RASGRP3: variants seen among roughly 807,000 people sequenced by gnomAD.
The protein encoded by RASGRP3 is RAS guanyl releasing protein 3.
Under a neutral mutation model 82.7 loss-of-function variants are expected in RASGRP3, and 54 were observed. The ratio of observed to expected loss-of-function variants is 0.65; its 90% CI spans 0.52 to 0.82. The LOEUF (loss-of-function observed/expected upper bound fraction) is 0.82. RASGRP3 is among the 40% of genes least tolerant of loss of function. The pLI, the probability that RASGRP3 is intolerant of heterozygous loss-of-function variation, is 0.00. For missense variants in RASGRP3, 861 were observed against 828.9 expected (o/e 1.04, Z -0.48); for synonymous variants, 309 against 300.5 (o/e 1.03, Z -0.29).
At chr2:33,490,012 A>G (rs1458748049) in intron 1 of RASGRP3, among the ~76,000 whole-genome samples, 1 of 151,830 alleles carries the variant, frequency 6.6e-6, no homozygotes, top group African/African-American at 2.4e-5. Flanking sequence ...CTTGCTGCCA[A>G]CCTGATGACT....
intron 13 of RASGRP3, among the ~76,000 whole-genome samples, chr2:33,544,737 G>A (rs1674578572): frequency 6.6e-6 from 1 of 152,142 alleles, no homozygotes; most frequent in Non-Finnish European, 1.5e-5. Flanking sequence ...CCTCACACCT[G>A]TAATGCCAGC....
chr2:33,490,127 C>G (rs1468454884), intron 1 of RASGRP3, among the ~76,000 whole-genome samples: 1 of 152,184 alleles, frequency 6.6e-6, no homozygotes, highest in Non-Finnish European at 1.5e-5. Context: ...CATATTATAA[C>G]TGGAACCCAT....
Position 33,536,561 on chromosome 2 carries a change from C to CT in RASGRP3, c.1161+2171dup, listed in dbSNP as rs1010850178. ...TTTTACTTTAGTTTATTTTCAGGAT[C>CT]TTTTTTTTTTCCAATTTTAGGAGAT... On this transcript the variant is annotated intron_variant, in intron 11 of 17. Coordinates refer to ENST00000403687, the MANE Select transcript of RASGRP3 (RefSeq NM_001139488.2). Among the ~76,000 whole-genome samples the CT allele has an allele frequency of 1.1e-3, 160 of 149,590 alleles. 1 individual carries two copies. Among genetic ancestry groups the CT allele is most frequent in the African/African-American group, 2.7e-3 (112 of 40,912 alleles).
intron 2 of RASGRP3, among the ~76,000 whole-genome samples, chr2:33,466,264 C>T (rs1666688549): frequency 6.6e-6 from 1 of 152,196 alleles, no homozygotes; most frequent in Non-Finnish European, 1.5e-5. Flanking sequence ...AAAGGATTCA[C>T]TATTCTAGGT....
At chr2:33,470,578 A>G (rs921424329) in intron 2 of RASGRP3, among the ~76,000 whole-genome samples, 5 of 151,796 alleles carry the variant, frequency 3.3e-5, no homozygotes, top group Non-Finnish European at 7.4e-5. Flanking sequence ...ACAGGGTTTC[A>G]CCGTGTTAGC....
At chr2:33,492,189 T>A (rs749377568) in intron 1 of RASGRP3, among the ~76,000 whole-genome samples, 1 of 152,186 alleles carries the variant, frequency 6.6e-6, no homozygotes, top group Non-Finnish European at 1.5e-5. Flanking sequence ...TGCTTTAAGG[T>A]AATAAAAAAT....
At position 33,562,751 on chromosome 2, in the gene RASGRP3, A is replaced by T. The variant is rs373703916; in HGVS notation, c.*14A>T. ...CAGGATGGCTGACTTCAGGCTGCGG[A>T]AACTGAAGGCAATAATGTTGGCTTT... On this transcript the variant is annotated 3_prime_UTR_variant, in exon 18 of 18. Coordinates refer to ENST00000403687, the MANE Select transcript of RASGRP3 (RefSeq NM_001139488.2). The T allele has an allele frequency of 1.7e-5, 27 of 1,613,294 alleles. No homozygotes were observed. The African/African-American group carries it at 3.5e-4, about 21-fold the overall frequency.
At chr2:33,446,837 A>G (rs1390102101) in intron 1 of RASGRP3, among the ~76,000 whole-genome samples, 1 of 151,958 alleles carries the variant, frequency 6.6e-6, no homozygotes, top group Non-Finnish European at 1.5e-5. Flanking sequence ...AAAAAAATAT[A>G]TCAATAGAAA....
At chr2:33,442,195 C>G (rs1331039655) in intron 1 of RASGRP3, among the ~76,000 whole-genome samples, 1 of 152,176 alleles carries the variant, frequency 6.6e-6, no homozygotes, top group African/African-American at 2.4e-5. Context: ...GAAACTCCAT[C>G]TCTACTAAAA....
chr2:33,457,252 T>C (rs2150892575), intron 2 of RASGRP3, among the ~76,000 whole-genome samples: 1 of 152,298 alleles, frequency 6.6e-6, no homozygotes, highest in East Asian at 1.9e-4. Context: ...TAATCCAAGT[T>C]TGTTATAAAT....
intron 1 of RASGRP3, among the ~76,000 whole-genome samples, chr2:33,508,480 G>A (rs115646663): frequency 6.4e-4 from 97 of 152,126 alleles, no homozygotes; most frequent in African/African-American, 2.3e-3. Flanking sequence ...TAAAGAAGAG[G>A]GCCACTTCTT....
chr2:33,560,206 C>T (rs1676493263), intron 17 of RASGRP3, among the ~76,000 whole-genome samples: 1 of 152,108 alleles, frequency 6.6e-6, no homozygotes, highest in African/African-American at 2.4e-5. Context: ...AAAAAGAAAT[C>T]CTACACCCAC....
intron 1 of RASGRP3, among the ~76,000 whole-genome samples, chr2:33,502,215 T>A (rs536187650): frequency 6.6e-6 from 1 of 151,670 alleles, no homozygotes; most frequent in Non-Finnish European, 1.5e-5. Context: ...GAAGGAGAAG[T>A]GGTAAGACGC....
chr2:33,438,643 G>C (rs566908218), intron 1 of RASGRP3, among the ~76,000 whole-genome samples: 6 of 152,022 alleles, frequency 3.9e-5, no homozygotes, highest in Non-Finnish European at 8.8e-5. Flanking sequence ...ATAGTTCTAC[G>C]GTAGTTCTAC....
chr2:33,439,986 T>G (rs1651882773), intron 1 of RASGRP3, among the ~76,000 whole-genome samples: 2 of 152,136 alleles, frequency 1.3e-5, no homozygotes, highest in African/African-American at 2.4e-5. Context: ...TGACGCGTTT[T>G]GCAAACTAAT....
chr2:33,539,096 G>T lies in RASGRP3; in HGVS notation c.1164G>T (p.Gln388His), dbSNP rs370036907. 4.4e-6 allele frequency: 7 copies of T among 1,590,992 alleles called. No homozygotes were observed. The highest frequency in any genetic ancestry group is 4.1e-5 in the African/African-American group (3 of 73,932). Residue 388 changes from glutamine to histidine, a missense_variant and splice_region_variant, in exon 12 of 18, where the codon CAG (glutamine) becomes CAT (histidine). Coordinates refer to ENST00000403687, the MANE Select transcript of RASGRP3 (RefSeq NM_001139488.2). ...GTGGTTTTTTTTTTGTTTATCAGCA[G>T]CCTACCTCCCCTACGACGCCCAACA... ...LVLEPRNSKSQPTSPTTPNKP... is the reference protein window; with the variant it reads ...LVLEPRNSKSHPTSPTTPNKP...
intron 1 of RASGRP3, among the ~76,000 whole-genome samples, chr2:33,440,155 T>C (rs1479793768): frequency 2.0e-5 from 3 of 151,898 alleles, no homozygotes; most frequent in African/African-American, 7.3e-5. Context: ...AATGATGGAA[T>C]AGTCAGATAG....
At chr2:33,539,241 C>T (rs763013380) in intron 12 of RASGRP3, 31 bp downstream of exon 12, 5 of 1,441,598 alleles carry the variant, frequency 3.5e-6, no homozygotes, top group Non-Finnish European at 3.8e-6. Flanking sequence ...AAAGAGAGGG[C>T]ACTAGAAGAC....
Position 33,511,743 on chromosome 2 carries a change from A to C in RASGRP3, c.-227A>C, listed in dbSNP as rs983093483. The C allele has an allele frequency of 6.6e-6, 1 of 152,630 alleles. No homozygotes were observed. The highest frequency in any genetic ancestry group is 1.5e-5 in the Non-Finnish European group (1 of 68,028). 9.5% of individuals were successfully genotyped at this position (152,630 alleles called of 1,614,324 possible). ...AAATACTTATCATTCAGGTTGAATA[A>C]ACCAGTTCTACAGACTGCTTCTTCC... On this transcript the variant is annotated 5_prime_UTR_variant, in exon 2 of 18. Coordinates refer to ENST00000403687, the MANE Select transcript of RASGRP3 (RefSeq NM_001139488.2).
Sources: allele counts gnomAD v4.1 joint callset (sites outside exome capture counted in the v4.1 genomes callset), GRCh38; gene constraint gnomAD v4.1.1; transcripts MANE v1.5; gene names NCBI Gene and HGNC (gene_info 2026-07-23, HGNC 2026-07-21).